Variants in ZNF469 observed in about 807,000 individuals in gnomAD.
ZNF469 encodes zinc finger protein 469.
Under a neutral mutation model 1.0 loss-of-function variants are expected in ZNF469, and 1 was observed. The ratio of observed to expected loss-of-function variants is 1.00; its 90% CI spans 0.35 to 4.73. ZNF469 has a LOEUF of 4.73. Among genes scored for constraint, ZNF469 ranks in the 30% most tolerant of loss-of-function variants. The probability of loss-of-function intolerance (pLI) is 0.16; values close to 1 mark genes in which losing one functional copy is unlikely to be tolerated. For missense variants in ZNF469, 6,100 were observed against 5,356.3 expected, an observed-to-expected ratio of 1.14 and a Z score of -4.33; for synonymous variants, 2,703 against 2,363.4, an observed-to-expected ratio of 1.14 and a Z score of -4.17.
At chr16:88,118,638 A>T in the ZNF469 span, among the ~76,000 whole-genome samples, 1 of 152,170 alleles carries the variant, frequency 6.6e-6, no homozygotes, top group Non-Finnish European at 1.5e-5. Context: ...GAGTGCGCTG[A>T]TCCAGGCTCA....
the ZNF469 span, among the ~76,000 whole-genome samples, chr16:88,179,845 T>C: frequency 6.6e-6 from 1 of 152,360 alleles, no homozygotes; most frequent in South Asian, 2.1e-4. Flanking sequence ...GAAGCAAATC[T>C]GTGGTAACAA....
the ZNF469 span, among the ~76,000 whole-genome samples, chr16:88,370,590 C>T: frequency 6.6e-6 from 1 of 152,168 alleles, no homozygotes; most frequent in African/African-American, 2.4e-5. Context: ...CTGCTGCGTG[C>T]CTCACGTGTG....
the ZNF469 span, among the ~76,000 whole-genome samples, chr16:88,112,179 CT>C: frequency 0.056 from 8,525 of 152,260 alleles, 406 homozygotes; most frequent in East Asian, 0.21. Flanking sequence ...TGGCTAACGC[CT>C]GAATCCCAGC....
chr16:88,407,069 G>A (rs575349940), intron 1 of ZNF469, among the ~76,000 whole-genome samples: 3 of 146,570 alleles, frequency 2.0e-5, no homozygotes, highest in African/African-American at 7.7e-5. Flanking sequence ...TGCCCTGATT[G>A]CTGTGACCGC....
At chr16:88,363,393 T>C in the ZNF469 span, among the ~76,000 whole-genome samples, 5 of 152,246 alleles carry the variant, frequency 3.3e-5, no homozygotes, top group African/African-American at 9.6e-5. Flanking sequence ...AGCATTTAAG[T>C]TGGATAAACT....
At chr16:88,360,250 C>G in the ZNF469 span, among the ~76,000 whole-genome samples, 1 of 151,952 alleles carries the variant, frequency 6.6e-6, no homozygotes, top group Non-Finnish European at 1.5e-5. Flanking sequence ...AAACTCCTGA[C>G]CTCAGGTGAT....
the ZNF469 span, among the ~76,000 whole-genome samples, chr16:88,255,757 A>C: frequency 3.3e-5 from 5 of 152,244 alleles, no homozygotes; most frequent in African/African-American, 1.2e-4. Flanking sequence ...TCTGTCTTAC[A>C]GACTAAGAGT....
At position 88,432,542 on chromosome 16, in the gene ZNF469, A is replaced by G. The variant is rs1906273272; in HGVS notation, c.5072A>G (p.Asn1691Ser). 1 of 1,550,330 alleles carries G rather than the reference A, an allele frequency of 6.5e-7. No individual in the cohort carries two copies. The highest frequency in any genetic ancestry group is 1.4e-5 in the African/African-American group (1 of 73,154). Residue 1691 changes from asparagine (N) to serine (S), a missense_variant, in exon 3 of 3, where the codon AAC (asparagine) becomes AGC (serine). Transcript: ENST00000565624. ...GCTCCTTTCAGCCCCAGGGGAGCCA[A>G]CTTCCATTTTCAGCCAGTGCAGAAA... Reference protein sequence around the residue: ...SGAPFSPRGANFHFQPVQKAG... With the variant: ...SGAPFSPRGASFHFQPVQKAG...
chr16:88,208,434 G>T, the ZNF469 span, among the ~76,000 whole-genome samples: 1 of 134,554 alleles, frequency 7.4e-6, no homozygotes, highest in African/African-American at 2.7e-5. Context: ...TGTCCAGGGT[G>T]TTTCAGTGGC....
the ZNF469 span, among the ~76,000 whole-genome samples, chr16:88,200,352 C>G: frequency 6.6e-6 from 1 of 152,204 alleles, no homozygotes; most frequent in Non-Finnish European, 1.5e-5. Flanking sequence ...TGGACAGAAG[C>G]CTCAGAGCTG....
At chr16:88,101,243 G>A in the ZNF469 span, among the ~76,000 whole-genome samples, 2 of 152,236 alleles carry the variant, frequency 1.3e-5, no homozygotes, top group African/African-American at 2.4e-5. Flanking sequence ...CGTGCCATCC[G>A]GGAACATCTT....
At chr16:88,336,585 GAC>G in the ZNF469 span, among the ~76,000 whole-genome samples, 1 of 125,802 alleles carries the variant, frequency 7.9e-6, no homozygotes, top group Non-Finnish European at 1.7e-5. Context: ...GTGAGACACT[GAC>G]ATGCCAACAC....
At chr16:88,133,300 G>A in the ZNF469 span, among the ~76,000 whole-genome samples, 3 of 152,194 alleles carry the variant, frequency 2.0e-5, no homozygotes, top group Admixed American at 6.5e-5. Flanking sequence ...TACTGCTGGC[G>A]ATCCCGCACA....
At chr16:88,264,818 G>A in the ZNF469 span, among the ~76,000 whole-genome samples, 5 of 151,944 alleles carry the variant, frequency 3.3e-5, no homozygotes, top group African/African-American at 4.8e-5. Context: ...CCCCCGCCTC[G>A]CACCCTCGCG....
chr16:88,428,146 G>C lies in ZNF469; in HGVS notation c.676G>C (p.Glu226Gln). The stretch of plus-strand genomic sequence containing the variant: ...CCCCCTCCAGCCCGGTTCCTATCCC[G>C]AATACCAGGCCAGTGGGGCCGACTC... ...TSPLQPGSYP[E>Q]YQASGADSWP... The change falls in exon 3 of 3, where the codon GAA becomes CAA. Residue 226 changes from glutamate (E) to glutamine (Q), a missense_variant. Physicochemically the swap from Glu to Gln is conservative, Grantham distance 29. Coordinates refer to ENST00000565624, the MANE Select transcript of ZNF469 (RefSeq NM_001367624.2). 1 of 1,550,128 alleles carries C rather than the reference G, an allele frequency of 6.5e-7. No homozygotes were observed. Among genetic ancestry groups the C allele is most frequent in the Non-Finnish European group, 8.7e-7 (1 of 1,146,896 alleles).
At chr16:88,255,740 G>A in the ZNF469 span, among the ~76,000 whole-genome samples, 2 of 152,368 alleles carry the variant, frequency 1.3e-5, no homozygotes, top group East Asian at 3.9e-4. Context: ...ATTTCAGTCA[G>A]GAGTGCTCTG....
At chr16:88,419,875 G>A (rs946326816) in intron 1 of ZNF469, among the ~76,000 whole-genome samples, 2 of 152,256 alleles carry the variant, frequency 1.3e-5, no homozygotes, top group Admixed American at 6.5e-5. Flanking sequence ...GGCAGGACTC[G>A]GGGGCCTGTG....
the ZNF469 span, among the ~76,000 whole-genome samples, chr16:88,307,510 T>C: frequency 6.6e-6 from 1 of 152,242 alleles, no homozygotes. Context: ...ACACCTGTTA[T>C]TGTCTGTCTT....
chr16:88,358,315 G>A, the ZNF469 span, among the ~76,000 whole-genome samples: 1 of 152,226 alleles, frequency 6.6e-6, no homozygotes, highest in Non-Finnish European at 1.5e-5. Flanking sequence ...GAGGGGGGCT[G>A]GTCTTCCCAC....
Sources: allele counts gnomAD v4.1 joint callset (sites outside exome capture counted in the v4.1 genomes callset), GRCh38; gene constraint gnomAD v4.1.1; transcripts MANE v1.5; gene names NCBI Gene and HGNC (gene_info 2026-07-23, HGNC 2026-07-21).